Variants in HSD17B12 observed in about 807,000 individuals in gnomAD.
HSD17B12 encodes the protein hydroxysteroid 17-beta dehydrogenase 12, also known as very-long-chain 3-oxoacyl-CoA reductase.
HSD17B12 carries 32 observed loss-of-function variants against 39.3 expected under a neutral mutation model. That is an observed-to-expected ratio of 0.81 (90% CI 0.61 to 1.09). The LOEUF is 1.09. HSD17B12 is among the 50% of genes least tolerant of loss of function. HSD17B12 has a pLI of 0.00. For missense variants in HSD17B12, 342 were observed against 382.9 expected (o/e 0.89, Z 0.89); for synonymous variants, 150 against 146.7 (o/e 1.02, Z -0.16).
chr11:43,834,445 C>A (rs990020877), intron 7 of HSD17B12, among the ~76,000 whole-genome samples: 1 of 151,922 alleles, frequency 6.6e-6, no homozygotes, highest in African/African-American at 2.4e-5. Context: ...TAGGATTAAC[C>A]CTGCAGTTCC....
At chr11:43,721,533 C>T (rs577252928) in intron 1 of HSD17B12, among the ~76,000 whole-genome samples, 7 of 152,144 alleles carry the variant, frequency 4.6e-5, no homozygotes, top group African/African-American at 1.7e-4. Flanking sequence ...CCAGGAGAAT[C>T]GCTTGAACCT....
chr11:43,606,985 C>T, the HSD17B12 span, among the ~76,000 whole-genome samples: 122 of 152,146 alleles, frequency 8.0e-4, no homozygotes, highest in African/African-American at 2.9e-3. Flanking sequence ...ATTTTGTATC[C>T]GCAAGATGGG....
the HSD17B12 span, among the ~76,000 whole-genome samples, chr11:43,564,190 G>A: frequency 8.5e-5 from 13 of 152,256 alleles, no homozygotes; most frequent in Admixed American, 8.5e-4. Flanking sequence ...ATTTTAGAGT[G>A]TATGGGTCCT....
At chr11:43,780,034 T>C (rs1166285045) in intron 3 of HSD17B12, among the ~76,000 whole-genome samples, 1 of 152,224 alleles carries the variant, frequency 6.6e-6, no homozygotes, top group African/African-American at 2.4e-5. Flanking sequence ...TGAGATTTCA[T>C]GGGAAGTATT....
chr11:43,799,783 A>G (rs573479918), intron 4 of HSD17B12, among the ~76,000 whole-genome samples: 1 of 152,334 alleles, frequency 6.6e-6, no homozygotes, highest in African/African-American at 2.4e-5. Flanking sequence ...GGTCTTTTAC[A>G]TGATTTCCAT....
chr11:43,592,589 C>G, the HSD17B12 span, among the ~76,000 whole-genome samples: 59 of 152,298 alleles, frequency 3.9e-4, no homozygotes, highest in Non-Finnish European at 7.1e-4. Flanking sequence ...GAAGCTGAGA[C>G]ATGAAGTGAT....
the HSD17B12 span, among the ~76,000 whole-genome samples, chr11:43,667,397 C>T: frequency 6.6e-5 from 10 of 152,190 alleles, no homozygotes; most frequent in Non-Finnish European, 1.3e-4. Flanking sequence ...AGTGATCCGC[C>T]CGCCTCAGCC....
chr11:43,742,542 A>C (rs1006611885), intron 1 of HSD17B12, among the ~76,000 whole-genome samples: 13 of 152,038 alleles, frequency 8.6e-5, no homozygotes, highest in African/African-American at 2.7e-4. Context: ...TTCATAATTG[A>C]CTTAAACTTG....
intron 3 of HSD17B12, among the ~76,000 whole-genome samples, chr11:43,771,194 A>C (rs563035640): frequency 1.2e-4 from 18 of 152,246 alleles, no homozygotes; most frequent in Admixed American, 5.2e-4. Context: ...GTTTCTTTTG[A>C]GTTTTGGCTT....
At chr11:43,776,923 C>T (rs930938467) in intron 3 of HSD17B12, among the ~76,000 whole-genome samples, 32 of 152,002 alleles carry the variant, frequency 2.1e-4, no homozygotes, top group South Asian at 4.2e-4. Context: ...TGTAGATATG[C>T]GGCGTTATTT....
At chr11:43,563,971 A>G in the HSD17B12 span, among the ~76,000 whole-genome samples, 1 of 151,914 alleles carries the variant, frequency 6.6e-6, no homozygotes, top group Admixed American at 6.6e-5. Context: ...CTGGCATGCA[A>G]TGGCACAATC....
At chr11:43,672,282 C>T in the HSD17B12 span, among the ~76,000 whole-genome samples, 1 of 152,152 alleles carries the variant, frequency 6.6e-6, no homozygotes, top group South Asian at 2.1e-4. Flanking sequence ...ATCTCCTGAC[C>T]TCATGATCCG....
At chr11:43,695,340 A>G (rs1949900822) in intron 1 of HSD17B12, among the ~76,000 whole-genome samples, 1 of 152,092 alleles carries the variant, frequency 6.6e-6, no homozygotes, top group Non-Finnish European at 1.5e-5. Context: ...GCATTTTCGG[A>G]GGCCGAGGCA....
chr11:43,855,898 A>ATTTTTTATTTTATTTTTTTTTTTTTTGTG lies in HSD17B12; in HGVS notation c.*650_*651insTTTTTTATTTTATTTTTTTTTTTTTTGTG, dbSNP rs1590354397. 6.9e-6 allele frequency: 1 copy of ATTTTTTATTTTATTTTTTTTTTTTTTGTG among 144,846 alleles called. No individual in the cohort carries two copies. The allele number at this position is 144,846 out of a possible 1,614,324, so 9.0% of individuals were successfully genotyped here. On this transcript the variant is annotated 3_prime_UTR_variant, in exon 11 of 11. Transcript: ENST00000278353. ...TATAATGCATATTTCTTCTCAGTTTAAATGTATGTAAATATCGAAGCTATA... is the reference window on the plus strand; with the variant it reads ...TATAATGCATATTTCTTCTCAGTTTATTTTTTATTTTATTTTTTTTTTTTTTGTGAATGTATGTAAATATCGAAGCTATA...
chr11:43,818,097 G>A (rs1590325718), intron 6 of HSD17B12, among the ~76,000 whole-genome samples: 1 of 152,172 alleles, frequency 6.6e-6, no homozygotes, highest in South Asian at 2.1e-4. Context: ...GGTAGCTACT[G>A]GGACTACAAA....
At chr11:43,669,091 C>T in the HSD17B12 span, among the ~76,000 whole-genome samples, 1 of 141,018 alleles carries the variant, frequency 7.1e-6, no homozygotes, top group South Asian at 2.3e-4. Flanking sequence ...GAATAATTCT[C>T]AGAAACATGA....
the HSD17B12 span, among the ~76,000 whole-genome samples, chr11:43,615,004 G>C: frequency 6.6e-6 from 1 of 151,502 alleles, no homozygotes; most frequent in East Asian, 1.9e-4. Context: ...CTGTTTCTTT[G>C]CATAGCCAGT....
the HSD17B12 span, among the ~76,000 whole-genome samples, chr11:43,658,320 C>G: frequency 6.6e-6 from 1 of 152,116 alleles, no homozygotes; most frequent in South Asian, 2.1e-4. Flanking sequence ...TTTTTAACTT[C>G]TTTGCCATTG....
chr11:43,561,119 C>T, the HSD17B12 span, among the ~76,000 whole-genome samples: 1 of 152,138 alleles, frequency 6.6e-6, no homozygotes. Context: ...GTTCCAATCC[C>T]CACCCACCAC....
Sources: gnomAD v4.1 joint callset for allele counts (sites outside exome capture counted in the v4.1 genomes callset) on GRCh38, gnomAD v4.1.1 for gene constraint, MANE v1.5 for transcripts, NCBI Gene and HGNC (gene_info 2026-07-23, HGNC 2026-07-21) for gene names.